Variants in CDKL5 observed in about 807,000 individuals in gnomAD.
CDKL5 encodes the protein cyclin dependent kinase like 5.
A neutral mutation model predicts 61.7 loss-of-function variants in CDKL5; 8 were observed. The observed-to-expected ratio is 0.13, with a 90% CI of 0.08 to 0.23. The LOEUF is 0.23. Ranked by LOEUF, CDKL5 falls within the 10% of genes least tolerant of loss-of-function variation. CDKL5 has a pLI of 1.00. For synonymous variants in CDKL5, 275 were observed against 272.3 expected, an observed-to-expected ratio of 1.01 and a Z score of -0.10; for missense variants, 440 against 734.5, an observed-to-expected ratio of 0.60 and a Z score of 4.63.
Position 18,522,865 on chromosome X carries a change from G to A in CDKL5, c.99+12011G>A, listed in dbSNP as rs1187585660. Among the ~76,000 whole-genome samples the A allele has an allele frequency of 5.2e-5, 5 of 96,292 alleles. No individual in the cohort carries two copies. In the South Asian group the frequency reaches 2.1e-3, roughly 40 times the overall value. 83.6% of individuals were successfully genotyped at this position (96,292 alleles called of 115,157 possible). A position where few individuals can be genotyped will look rare whatever the true frequency, so the allele number is the denominator to read the frequency against. On this transcript the variant is annotated intron_variant, in intron 3 of 17. Transcript: ENST00000623535. The stretch of plus-strand genomic sequence containing the variant: ...GGCTGTAGTGCAGTAGTGTGATCTC[G>A]GCTCACTGCAACCTCTGCCTCCCAG...
chrX:18,448,141 C>T (rs745654629), intron 1 of CDKL5, among the ~76,000 whole-genome samples: 30 of 112,224 alleles, frequency 2.7e-4, no homozygotes, highest in Non-Finnish European at 5.4e-4. Context: ...AGGTACCTTA[C>T]GCTCAGCATG....
In CDKL5 at chrX:18,619,813, A is replaced by G. The variant is rs1926832918; in HGVS notation, c.2277-54A>G. ...TCAGTCCTTATTATATTTGTCACAC[A>G]ATGGCAAGAAAATGATTGAAAAATC... is the stretch of plus-strand genomic sequence containing the variant. On this transcript the variant is annotated intron_variant, in intron 15 of 17. Coordinates refer to ENST00000623535, the MANE Select transcript of CDKL5 (RefSeq NM_001323289.2). The G allele has an allele frequency of 5.4e-5, 44 of 815,153 alleles. No individual in the cohort carries two copies. The South Asian group carries it at 9.4e-4, about 17-fold the overall frequency. 67.2% of individuals were successfully genotyped at this position (815,153 alleles called of 1,213,427 possible). A position where few individuals can be genotyped will look rare whatever the true frequency, so the allele number is the denominator to read the frequency against.
At chrX:18,466,421 A>T (rs1335876372) in intron 1 of CDKL5, among the ~76,000 whole-genome samples, 2 of 112,224 alleles carry the variant, frequency 1.8e-5, no homozygotes, top group African/African-American at 3.2e-5. Context: ...GTGTATCTCA[A>T]GGACTTAAAA....
intron 4 of CDKL5, 95 bp downstream of exon 4, chrX:18,564,617 A>C (rs1924907539): frequency 7.5e-6 from 2 of 266,921 alleles, no homozygotes; most frequent in Non-Finnish European, 1.3e-5. Flanking sequence ...AGTGGGATCT[A>C]GCTGGTCAGA....
At chrX:18,449,931 A>C (rs1602197411) in intron 1 of CDKL5, among the ~76,000 whole-genome samples, 1 of 111,011 alleles carries the variant, frequency 9.0e-6, no homozygotes, top group East Asian at 2.9e-4. Context: ...AGTAGCTGGG[A>C]CTACCGGCGC....
chrX:18,593,434 A>G (rs1474208999), intron 9 of CDKL5, among the ~76,000 whole-genome samples: 1 of 111,906 alleles, frequency 8.9e-6, no homozygotes, highest in Admixed American at 9.5e-5. Flanking sequence ...GTAGCATAAG[A>G]TAGACCTCAT....
chrX:18,652,645 G>A (rs1201015663), intron 21 of CDKL5, among the ~76,000 whole-genome samples: 1 of 107,832 alleles, frequency 9.3e-6, no homozygotes, highest in African/African-American at 3.5e-5. Context: ...CTCCAGCTTG[G>A]GCAACAGAGC....
intron 1 of CDKL5, among the ~76,000 whole-genome samples, chrX:18,494,196 G>A (rs1006624924): frequency 2.7e-5 from 3 of 111,966 alleles, no homozygotes; most frequent in African/African-American, 9.7e-5. Context: ...GATTACAGGC[G>A]TGAGCCAGCG....
chrX:18,433,477 G>A (rs1895696516), intron 1 of CDKL5, among the ~76,000 whole-genome samples: 1 of 111,932 alleles, frequency 8.9e-6, no homozygotes, highest in South Asian at 3.7e-4. Context: ...TTAAACCGGG[G>A]AGGTGGAGGT....
Position 18,535,630 on chromosome X carries a change from C to T in CDKL5, c.99+24776C>T, listed in dbSNP as rs150821717. The T allele has an allele frequency of 7.0e-3, 938 of 133,240 alleles. 4 individuals carry two copies. The highest frequency in any genetic ancestry group is 0.011 in the Non-Finnish European group (706 of 62,995). The allele number at this position is 133,240 out of a possible 1,213,427, so 11.0% of individuals were successfully genotyped here. On this transcript the variant is annotated intron_variant, in intron 3 of 17. Coordinates refer to ENST00000623535, the MANE Select transcript of CDKL5 (RefSeq NM_001323289.2). ...CCTAAGTGTGGTTTACACTTGCAAA[C>T]GAGATCTTTCCCCACATTAAGTGGA...
chrX:18,440,603 A>G (rs1931716330), intron 1 of CDKL5, among the ~76,000 whole-genome samples: 1 of 111,949 alleles, frequency 8.9e-6, no homozygotes, highest in Non-Finnish European at 1.9e-5. Flanking sequence ...CCTCCCAAGT[A>G]GCTGAGATTA....
At chrX:18,431,427 T>C (rs936941384) in intron 1 of CDKL5, among the ~76,000 whole-genome samples, 60 of 106,250 alleles carry the variant, frequency 5.6e-4, no homozygotes, top group African/African-American at 1.9e-3. Flanking sequence ...TCTTTTCTTT[T>C]TTTTTTTTTT....
chrX:18,608,743 A>G, intron 12 of CDKL5, 68 bp from the exon 13 acceptor site: 1 of 707,269 alleles, frequency 1.4e-6, no homozygotes, highest in Non-Finnish European at 2.3e-6. Flanking sequence ...CTACCAAATA[A>G]AGGCCATGAT....
chrX:18,485,719 C>A (rs1215906485), intron 1 of CDKL5, among the ~76,000 whole-genome samples: 1 of 111,618 alleles, frequency 9.0e-6, no homozygotes, highest in Non-Finnish European at 1.9e-5. Context: ...TATAGGGAAT[C>A]TTGGCTTAAG....
chrX:18,650,520 C>T lies in CDKL5; in HGVS notation c.2908C>T (p.Arg970Ter), dbSNP rs267608665. 2.5e-5 allele frequency: 30 copies of T among 1,210,465 alleles called. No homozygotes were observed. The highest frequency in any genetic ancestry group is 2.3e-4 in the Middle Eastern group (1 of 4,376). ...TGCTCCCTATCCAGTACTCCAGGTCCGAGGCACTTCCATGTGCCCGACACT... is the reference window on the plus strand; with the variant it reads ...TGCTCCCTATCCAGTACTCCAGGTCTGAGGCACTTCCATGTGCCCGACACT... The change falls in exon 21 of 22, where the codon CGA (arginine) becomes TGA (stop). Residue 970 changes from arginine (R) to a stop codon, truncating the protein, a stop_gained. Transcript: ENST00000379989. LOFTEE classifies it high-confidence loss of function.
At position 18,551,559 on chromosome X, in the gene CDKL5, CATTATTATT is replaced by C. The variant is rs10659381; in HGVS notation, c.100-12881_100-12873del. 6.0e-3 allele frequency among the ~76,000 whole-genome samples: 487 copies of C among 80,939 alleles called. 7 individuals carry two copies. Among genetic ancestry groups the C allele is most frequent in the African/African-American group, 0.02 (437 of 22,140 alleles). 70.3% of individuals were successfully genotyped at this position (80,939 alleles called of 115,157 possible). ...CTCATAGCCTTACTAGATACCTTGACATTATTATTATTATTATTATTATTATTATTATTA... is the reference window on the plus strand; with the variant it reads ...CTCATAGCCTTACTAGATACCTTGACATTATTATTATTATTATTATTATTA... On this transcript the variant is annotated intron_variant, in intron 3 of 17. Coordinates refer to ENST00000623535, the MANE Select transcript of CDKL5 (RefSeq NM_001323289.2).
intron 21 of CDKL5, among the ~76,000 whole-genome samples, chrX:18,651,892 AGGTCCACATGTG>A (rs1262559662): frequency 9.1e-6 from 1 of 110,179 alleles, no homozygotes; most frequent in Non-Finnish European, 1.9e-5. Context: ...AGCTCTTTTC[AGGTCCACATGTG>A]GCCTGCAGCC....
rs749249053 is a variant in CDKL5, at chrX:18,490,177, T to C, written c.-162-16758T>C. ...TTGGCTGTTCCTGAGTTGTATCCTT[T>C]ATAAGAAGCTGGTAGTAAATGTAAG... On this transcript the variant is annotated intron_variant, in intron 1 of 17. Coordinates refer to ENST00000623535, the MANE Select transcript of CDKL5 (RefSeq NM_001323289.2). Among the ~76,000 whole-genome samples the C allele has an allele frequency of 5.4e-5, 6 of 111,389 alleles. No individual in the cohort carries two copies. The South Asian group carries it at 2.3e-3, about 42-fold the overall frequency.
At chrX:18,627,544 T>C (rs1348910418) in intron 17 of CDKL5, 1 of 110,874 alleles carries the variant, frequency 9.0e-6, no homozygotes, top group African/African-American at 3.3e-5. Flanking sequence ...TCAGGAATTG[T>C]CCAGTGAGCA....
Sources: gnomAD v4.1 joint callset for allele counts (sites outside exome capture counted in the v4.1 genomes callset) on GRCh38, gnomAD v4.1.1 for gene constraint, MANE v1.5 for transcripts, NCBI Gene and HGNC (gene_info 2026-07-23, HGNC 2026-07-21) for gene names.